Variants in WDR72 observed in about 807,000 individuals in gnomAD.
The protein encoded by WDR72 is WD repeat domain 72, also known as WD repeat-containing protein 72.
In WDR72, 120 loss-of-function variants were observed where a neutral mutation model predicts 124.2. The ratio of observed to expected loss-of-function variants is 0.97; its 90% CI spans 0.83 to 1.12. The LOEUF (loss-of-function observed/expected upper bound fraction) is 1.12. Ranked by LOEUF, WDR72 falls within the 50% of genes most tolerant of loss-of-function variation. WDR72 has a pLI of 0.00. For missense variants in WDR72, 1,387 were observed against 1,278.8 expected (o/e 1.08, Z -1.29); for synonymous variants, 452 against 441.7 (o/e 1.02, Z -0.29).
At chr15:53,521,544 A>G (rs1174557699) in intron 19 of WDR72, among the ~76,000 whole-genome samples, 1 of 152,084 alleles carries the variant, frequency 6.6e-6, no homozygotes, top group Non-Finnish European at 1.5e-5. Context: ...TTGAGTTAAG[A>G]TTCTTTATCA....
At chr15:53,714,803 C>T (rs1293260975) in intron 5 of WDR72, among the ~76,000 whole-genome samples, 1 of 152,180 alleles carries the variant, frequency 6.6e-6, no homozygotes, top group Non-Finnish European at 1.5e-5. Flanking sequence ...CGCCAACTTC[C>T]ACTTCCCTTT....
chr15:53,658,884 A>G (rs2015516899), intron 14 of WDR72, among the ~76,000 whole-genome samples: 1 of 152,234 alleles, frequency 6.6e-6, no homozygotes, highest in Non-Finnish European at 1.5e-5. Flanking sequence ...AATCTACAGA[A>G]GAGAAAAGAA....
intron 1 of WDR72, among the ~76,000 whole-genome samples, chr15:53,755,359 C>G (rs1269541563): frequency 6.6e-6 from 1 of 152,014 alleles, no homozygotes; most frequent in African/African-American, 2.4e-5. Flanking sequence ...CATTATTTCC[C>G]TTAACTAAAA....
At chr15:53,546,725 A>C (rs1164823144) in intron 18 of WDR72, among the ~76,000 whole-genome samples, 20 of 152,072 alleles carry the variant, frequency 1.3e-4, no homozygotes, top group Admixed American at 1.3e-3. Flanking sequence ...AATAATCAAT[A>C]AAACAAACAA....
chr15:53,644,026 A>G (rs1254443119), intron 14 of WDR72, among the ~76,000 whole-genome samples: 2 of 152,162 alleles, frequency 1.3e-5, no homozygotes, highest in East Asian at 3.9e-4. Flanking sequence ...GTAAATGCCA[A>G]GCTAATATTG....
At chr15:53,686,028 C>T (rs573367417) in intron 13 of WDR72, among the ~76,000 whole-genome samples, 35 of 149,544 alleles carry the variant, frequency 2.3e-4, no homozygotes, top group African/African-American at 8.0e-4. Flanking sequence ...TTTGTCACCA[C>T]CAGGCCTGCC....
At chr15:53,743,721 A>C (rs1233464261) in intron 1 of WDR72, among the ~76,000 whole-genome samples, 1 of 152,222 alleles carries the variant, frequency 6.6e-6, no homozygotes, top group Non-Finnish European at 1.5e-5. Context: ...TCACGCCTGT[A>C]ATCCCAGCAC....
At chr15:53,623,699 T>A (rs1352523311) in intron 14 of WDR72, among the ~76,000 whole-genome samples, 1 of 152,126 alleles carries the variant, frequency 6.6e-6, no homozygotes, top group Non-Finnish European at 1.5e-5. Context: ...AGTTCTTTTT[T>A]AAATTCTTTG....
At chr15:53,597,508 G>A (rs1194418518) in intron 17 of WDR72, among the ~76,000 whole-genome samples, 1 of 152,044 alleles carries the variant, frequency 6.6e-6, no homozygotes, top group African/African-American at 2.4e-5. Context: ...TACTTGAGGG[G>A]CATTTTTTAA....
chr15:53,523,337 A>C lies in WDR72; in HGVS notation c.3149-15T>G. 8 of 1,607,674 alleles carry C rather than the reference A, an allele frequency of 5.0e-6. No homozygotes were observed. The highest frequency in any genetic ancestry group is 5.1e-6 in the Non-Finnish European group (6 of 1,176,424). Reference sequence around the variant, plus strand: ...GCTGACTGGAGCTATTAAAAGAGAGAGAGAGAGAGAGAGAGACAGAAGAGA... The same window carrying C: ...GCTGACTGGAGCTATTAAAAGAGAGCGAGAGAGAGAGAGAGACAGAAGAGA... On this transcript the variant is annotated splice_polypyrimidine_tract_variant and intron_variant, in intron 18 of 19. Transcript: ENST00000360509.
intron 1 of WDR72, among the ~76,000 whole-genome samples, chr15:53,740,548 C>T (rs1022581117): frequency 3.3e-5 from 5 of 151,988 alleles, no homozygotes; most frequent in African/African-American, 4.8e-5. Context: ...CGCCCGCCTC[C>T]GCCTCCCAAA....
rs576339863 is a variant in WDR72 at position 53,538,014 on chromosome 15, TGGAA to T, written c.3149-14696_3149-14693del. 5.1e-4 allele frequency among the ~76,000 whole-genome samples: 77 copies of T among 152,208 alleles called. 1 individual carries two copies. Among genetic ancestry groups the T allele is most frequent in the African/African-American group, 1.8e-3 (73 of 41,526 alleles). On this transcript the variant is annotated intron_variant, in intron 18 of 19. Coordinates refer to ENST00000360509, the MANE Select transcript of WDR72 (RefSeq NM_182758.4). ...TTTTTCTTATCAAGAGTGCTGAATATGGAAGGAAGTAAAAGTGACTTCTGACAAT... is the reference window on the plus strand; with the variant it reads ...TTTTTCTTATCAAGAGTGCTGAATATGGAAGTAAAAGTGACTTCTGACAAT...
intron 18 of WDR72, among the ~76,000 whole-genome samples, chr15:53,569,890 AACATTTG>A (rs74765872): frequency 0.023 from 3,495 of 152,208 alleles, 63 homozygotes; most frequent in Non-Finnish European, 0.036. Context: ...GAAAACAATG[AACATTTG>A]ACATAGGTGG....
chr15:53,740,784 T>G (rs574782335), intron 1 of WDR72, among the ~76,000 whole-genome samples: 1 of 152,302 alleles, frequency 6.6e-6, no homozygotes, highest in African/African-American at 2.4e-5. Context: ...GGATTAAGAG[T>G]GTAAACTTGA....
intron 18 of WDR72, among the ~76,000 whole-genome samples, chr15:53,576,150 CT>C (rs140210046): frequency 0.1 from 15,392 of 152,184 alleles, 1,018 homozygotes; most frequent in African/African-American, 0.18. Context: ...TAAAATAGCT[CT>C]TATGACATTG....
chr15:53,679,710 T>C (rs148473057), intron 13 of WDR72, among the ~76,000 whole-genome samples: 32 of 152,236 alleles, frequency 2.1e-4, no homozygotes, highest in African/African-American at 7.2e-4. Flanking sequence ...GAGGCAAAGA[T>C]ATAGAGTGGA....
chr15:53,655,795 C>T (rs1333999490), intron 14 of WDR72, among the ~76,000 whole-genome samples: 2 of 152,098 alleles, frequency 1.3e-5, no homozygotes, highest in Admixed American at 1.3e-4. Flanking sequence ...CAGGTTCAAG[C>T]AATTCTCCTG....
intron 18 of WDR72, among the ~76,000 whole-genome samples, chr15:53,555,869 A>G (rs1469301282): frequency 1.3e-5 from 2 of 152,254 alleles, no homozygotes; most frequent in East Asian, 3.9e-4. Context: ...AGAAAGGGCT[A>G]TTAATTTTAT....
At chr15:53,678,355 G>A (rs1242558018) in intron 13 of WDR72, among the ~76,000 whole-genome samples, 1 of 151,992 alleles carries the variant, frequency 6.6e-6, no homozygotes, top group African/African-American at 2.4e-5. Flanking sequence ...TGATAGTATT[G>A]GGGCTAAGAA....
Sources: gnomAD v4.1 joint callset for allele counts (sites outside exome capture counted in the v4.1 genomes callset) on GRCh38, gnomAD v4.1.1 for gene constraint, MANE v1.5 for transcripts, NCBI Gene and HGNC (gene_info 2026-07-23, HGNC 2026-07-21) for gene names.